Variants in KDM4B observed in about 807,000 individuals in gnomAD.
KDM4B encodes the protein lysine-specific demethylase 4B.
In KDM4B, 32 loss-of-function variants were observed where a neutral mutation model predicts 125.2. The observed-to-expected ratio is 0.26, with a 90% confidence interval of 0.19 to 0.34. The LOEUF (loss-of-function observed/expected upper bound fraction) is 0.34. Among genes scored for constraint, KDM4B ranks in the 10% least tolerant of loss-of-function variants. The pLI is 1.00. For synonymous variants in KDM4B, 721 were observed against 677.9 expected, an observed-to-expected ratio of 1.06 and a Z score of -0.99; for missense variants, 1,190 against 1,577.7, an observed-to-expected ratio of 0.75 and a Z score of 4.16.
At chr19:4,998,572 C>G (rs1176887495) in intron 1 of KDM4B, among the ~76,000 whole-genome samples, 1 of 152,164 alleles carries the variant, frequency 6.6e-6, no homozygotes, top group East Asian at 1.9e-4. Flanking sequence ...TTCCCCCAGA[C>G]AAGGAATTTT....
chr19:5,086,461 A>T (rs767930062), intron 9 of KDM4B, among the ~76,000 whole-genome samples: 1 of 152,150 alleles, frequency 6.6e-6, no homozygotes, highest in Non-Finnish European at 1.5e-5. Flanking sequence ...TCACCCACAA[A>T]TGAGCAGCCT....
chr19:4,986,765 C>T (rs2145353955), intron 1 of KDM4B, among the ~76,000 whole-genome samples: 1 of 152,278 alleles, frequency 6.6e-6, no homozygotes, highest in South Asian at 2.1e-4. Flanking sequence ...CAAGAGTGCT[C>T]CAAAGAAGTG....
At chr19:4,989,111 G>T (rs2034945380) in intron 1 of KDM4B, among the ~76,000 whole-genome samples, 1 of 152,214 alleles carries the variant, frequency 6.6e-6, no homozygotes, top group Non-Finnish European at 1.5e-5. Context: ...ACGGGAGGGT[G>T]GCTGTCTGGA....
In KDM4B at chr19:5,142,572, G is replaced by T. The variant is rs952691728; in HGVS notation, c.2551-1395G>T. ...GCTGGGTTTCTCCTGGGCCTGGGCC[G>T]AGGGGTGGAGGCCTGTGGGTGACGT... On this transcript the variant is annotated intron_variant, in intron 18 of 22. Transcript: ENST00000159111. This position sits in a 1 kb window ranked among gnomAD's most constrained non-coding sequence, Gnocchi z 5.4. Among the ~76,000 whole-genome samples, 1 of 152,150 alleles carries T rather than the reference G, an allele frequency of 6.6e-6. No homozygotes were observed. The highest frequency in any genetic ancestry group is 1.5e-5 in the Non-Finnish European group (1 of 68,000).
chr19:5,023,612 C>T, intron 2 of KDM4B, among the ~76,000 whole-genome samples: 1 of 152,176 alleles, frequency 6.6e-6, no homozygotes, highest in Non-Finnish European at 1.5e-5. Context: ...CCGCATGGGG[C>T]TTCACCTGAT....
At chr19:5,059,557 G>A (rs2037518072) in intron 6 of KDM4B, among the ~76,000 whole-genome samples, 1 of 152,234 alleles carries the variant, frequency 6.6e-6, no homozygotes, top group Non-Finnish European at 1.5e-5. Context: ...GGTGGGCACA[G>A]GCTGAGACTT....
In KDM4B at chr19:5,115,035, G is replaced by A. The variant is rs1359356882; in HGVS notation, c.1115+4217G>A. Among the ~76,000 whole-genome samples the A allele has an allele frequency of 6.6e-6, 1 of 152,342 alleles. No individual in the cohort carries two copies. Among genetic ancestry groups the A allele is most frequent in the Admixed American group, 6.5e-5 (1 of 15,310 alleles). Reference sequence around the variant, plus strand: ...CACCAGAGAGTGAAGTGCAGAGAACGGGAGAGGGGGCAGTGGCAGCTGAGC... The same window carrying A: ...CACCAGAGAGTGAAGTGCAGAGAACAGGAGAGGGGGCAGTGGCAGCTGAGC... On this transcript the variant is annotated intron_variant, in intron 10 of 22. Transcript: ENST00000159111. The surrounding 1 kb of genome is among the most constrained non-coding windows in gnomAD (Gnocchi z 4.2).
At chr19:5,131,825 C>G (rs1341435483) in intron 12 of KDM4B, 62 bp from the exon 13 acceptor site, 3 of 1,608,208 alleles carry the variant, frequency 1.9e-6, no homozygotes, top group Non-Finnish European at 2.5e-6. Flanking sequence ...TGTGTGGCTC[C>G]GAGGGAGCCC....
At chr19:5,036,751 A>G (rs1318362187) in intron 3 of KDM4B, among the ~76,000 whole-genome samples, 1 of 152,246 alleles carries the variant, frequency 6.6e-6, no homozygotes, top group Non-Finnish European at 1.5e-5. Flanking sequence ...AGCGGCTTTC[A>G]GTGCCTCCTT....
intron 6 of KDM4B, among the ~76,000 whole-genome samples, chr19:5,053,055 C>G (rs974934786): frequency 6.6e-6 from 1 of 152,236 alleles, no homozygotes; most frequent in Non-Finnish European, 1.5e-5. Flanking sequence ...ACAGGGGTGG[C>G]GTAGCCTGAG....
chr19:5,085,278 A>AT (rs1241122891), intron 9 of KDM4B, among the ~76,000 whole-genome samples: 1 of 152,158 alleles, frequency 6.6e-6, no homozygotes, highest in Non-Finnish European at 1.5e-5. Flanking sequence ...AGAAGTTGGG[A>AT]TTTCAGCTTT....
rs1379185107 is a variant in KDM4B at position 4,997,895 on chromosome 19, TC to T, written c.-108-18359del. ...GCGGACGTGCCACTCTGCACTGCTGTCCCTCTCCACCCAGGCCTTGGGGCTC... is the reference window on the plus strand; with the variant it reads ...GCGGACGTGCCACTCTGCACTGCTGTCCTCTCCACCCAGGCCTTGGGGCTC... On this transcript the variant is annotated intron_variant, in intron 1 of 22. Coordinates refer to ENST00000159111, the MANE Select transcript of KDM4B (RefSeq NM_015015.3). This position sits in a 1 kb window ranked among gnomAD's most constrained non-coding sequence, Gnocchi z 4.2. Among the ~76,000 whole-genome samples the T allele has an allele frequency of 6.6e-6, 1 of 152,260 alleles. No individual in the cohort carries two copies. The highest frequency in any genetic ancestry group is 1.5e-5 in the Non-Finnish European group (1 of 68,046).
chr19:5,107,587 C>T (rs1180517969), intron 9 of KDM4B, among the ~76,000 whole-genome samples: 2 of 152,218 alleles, frequency 1.3e-5, no homozygotes, highest in Non-Finnish European at 2.9e-5. Context: ...CTGAACCCTT[C>T]CCAGCTGCAG....
In KDM4B at chr19:5,144,342, C is replaced by T. The variant is rs565903311; in HGVS notation, c.2831C>T (p.Ser944Leu). The T allele has an allele frequency of 7.3e-6, 11 of 1,508,028 alleles. No individual in the cohort carries two copies. Among genetic ancestry groups the T allele is most frequent in the South Asian group, 2.4e-5 (2 of 84,022 alleles). The allele number at this position is 1,508,028 out of a possible 1,614,324, so 93.4% of individuals were successfully genotyped here. Residue 944 changes from serine (S) to leucine (L), a missense_variant, in exon 20 of 23, where the codon TCG becomes TTG. Transcript: ENST00000159111. ...CGCTGTCGCGTCATCGGTGCCGCCT[C>T]GCAGACCTGCTACGAAGTGAACTTC... Reference protein sequence around the residue: ...YYRCRVIGAASQTCYEVNFDD... With the variant: ...YYRCRVIGAALQTCYEVNFDD...
At chr19:5,028,735 A>C (rs910034641) in intron 2 of KDM4B, among the ~76,000 whole-genome samples, 1 of 152,128 alleles carries the variant, frequency 6.6e-6, no homozygotes. Context: ...CCCTGCCCAC[A>C]GTGTCACCGT....
At chr19:5,111,625 G>C (rs1167863426) in intron 10 of KDM4B, 3 of 702,084 alleles carry the variant, frequency 4.3e-6, no homozygotes, top group Non-Finnish European at 7.8e-6. Context: ...CACAGTTGTC[G>C]ACAGATCTCA....
chr19:5,068,309 C>T (rs1054196589), intron 6 of KDM4B, among the ~76,000 whole-genome samples: 5 of 152,316 alleles, frequency 3.3e-5, no homozygotes, highest in African/African-American at 7.2e-5. Context: ...TGCTTCAGTC[C>T]GCCAGTTCCA....
chr19:5,133,925 A>T lies in KDM4B; in HGVS notation c.1949A>T (p.Asp650Val). ...FSGEEDVSDPDALRPLLSLQW... is the reference protein window; with the variant it reads ...FSGEEDVSDPVALRPLLSLQW... ...GGGGAGGAAGATGTGAGTGACCCGG[A>T]CGCCTTGAGGCCGCTGCTGTCTCTG... The change falls in exon 14 of 23, where the codon GAC (aspartate) becomes GTC (valine). Residue 650 changes from aspartate (D) to valine (V), a missense_variant. Transcript: ENST00000159111. 2 of 1,613,076 alleles carry T rather than the reference A, an allele frequency of 1.2e-6. No homozygotes were observed. Among genetic ancestry groups the T allele is most frequent in the Non-Finnish European group, 1.7e-6 (2 of 1,179,928 alleles).
chr19:4,971,724 G>A lies in KDM4B; in HGVS notation c.-109+2494G>A, dbSNP rs188858108. On this transcript the variant is annotated intron_variant, in intron 1 of 22. Coordinates refer to ENST00000159111, the MANE Select transcript of KDM4B (RefSeq NM_015015.3). This position sits in a 1 kb window ranked among gnomAD's most constrained non-coding sequence, Gnocchi z 4.1. ...TGGTGGTGTGCAGTCCGCTGCCCTC[G>A]GGCCCAGCTCAGGGAGCAGGCAGGA... Among the ~76,000 whole-genome samples the A allele has an allele frequency of 6.6e-6, 1 of 152,172 alleles. No homozygotes were observed. The highest frequency in any genetic ancestry group is 2.4e-5 in the African/African-American group (1 of 41,422).
Sources: allele counts gnomAD v4.1 joint callset (sites outside exome capture counted in the v4.1 genomes callset), GRCh38; gene constraint gnomAD v4.1.1; non-coding constraint Gnocchi (gnomAD v3.1); transcripts MANE v1.5; gene names NCBI Gene and HGNC (gene_info 2026-07-23, HGNC 2026-07-21).